The following WHRN variants were observed in gnomAD, a reference collection of about 807,000 sequenced individuals.
The protein encoded by WHRN is CASK-interacting protein CIP98.
In WHRN, 41 loss-of-function variants were observed where a neutral mutation model predicts 68.3. That is an observed-to-expected ratio of 0.60 (90% confidence interval 0.47 to 0.78). The LOEUF is 0.78. WHRN is among the 30% of genes least tolerant of loss of function. The pLI is 0.00. For synonymous variants in WHRN, 560 were observed against 561.3 expected (o/e 1.00, Z 0.03); for missense variants, 1,243 against 1,244.7 (o/e 1.00, Z 0.02).
chr9:114,484,696 G>A (rs570784165), intron 1 of WHRN, among the ~76,000 whole-genome samples: 16 of 152,188 alleles, frequency 1.1e-4, no homozygotes, highest in African/African-American at 3.6e-4. Context: ...CAGATGGCAC[G>A]ACTAAGATAC....
intron 4 of WHRN, 162 bp downstream of exon 4, chr9:114,426,049 G>A: frequency 1.2e-6 from 1 of 833,356 alleles, no homozygotes; most frequent in Non-Finnish European, 2.0e-6. Context: ...GCCAAGAGAG[G>A]AGAGGGATGT....
At chr9:114,459,125 G>T (rs1472922861) in intron 3 of WHRN, among the ~76,000 whole-genome samples, 2 of 152,114 alleles carry the variant, frequency 1.3e-5, no homozygotes, top group Non-Finnish European at 2.9e-5. Context: ...TCTGGGAGAA[G>T]AGACATTCAC....
At chr9:114,450,107 T>C (rs1589159904) in intron 3 of WHRN, among the ~76,000 whole-genome samples, 1 of 152,104 alleles carries the variant, frequency 6.6e-6, no homozygotes, top group East Asian at 1.9e-4. Flanking sequence ...CCCGAGGGCA[T>C]GGCTCATTAG....
intron 1 of WHRN, among the ~76,000 whole-genome samples, chr9:114,484,683 C>T (rs1842348544): frequency 6.6e-6 from 1 of 152,200 alleles, no homozygotes; most frequent in Non-Finnish European, 1.5e-5. Flanking sequence ...CGATCTGACC[C>T]AGCAGATGGC....
intron 2 of WHRN, among the ~76,000 whole-genome samples, chr9:114,477,202 C>T (rs4979409): frequency 0.011 from 1,672 of 152,302 alleles, 82 homozygotes; most frequent in Admixed American, 0.082. Context: ...ACACAAAACA[C>T]ATTAAATAAA....
At chr9:114,457,369 CA>C (rs1839893019) in intron 3 of WHRN, among the ~76,000 whole-genome samples, 1 of 151,996 alleles carries the variant, frequency 6.6e-6, no homozygotes, top group Admixed American at 6.6e-5. Flanking sequence ...GCACAGAAGC[CA>C]ACCTAAAAGC....
intron 2 of WHRN, among the ~76,000 whole-genome samples, chr9:114,475,220 T>C (rs1841552689): frequency 6.6e-6 from 1 of 152,160 alleles, no homozygotes; most frequent in Non-Finnish European, 1.5e-5. Context: ...ACCCAAGGTC[T>C]TACCATCCCT....
At chr9:114,417,111 C>G (rs1835874328) in intron 7 of WHRN, among the ~76,000 whole-genome samples, 1 of 152,186 alleles carries the variant, frequency 6.6e-6, no homozygotes, top group Admixed American at 6.5e-5. Context: ...ATAAAATGCT[C>G]AGGGCTGGCT....
chr9:114,487,210 A>G (rs76954194), intron 1 of WHRN, among the ~76,000 whole-genome samples: 3,168 of 149,192 alleles, frequency 0.021, 36 homozygotes, highest in African/African-American at 0.034. Flanking sequence ...TTTTTGTCTA[A>G]CAAGAAATTC....
intron 9 of WHRN, 140 bp from the exon 10 acceptor site, chr9:114,404,217 T>C: frequency 1.0e-6 from 1 of 968,046 alleles, no homozygotes; most frequent in Admixed American, 2.0e-5. Context: ...GAAGAGATCG[T>C]GGGGCCAGAG....
At position 114,403,941 on chromosome 9, in the gene WHRN, C is replaced by A; in HGVS notation, c.2373G>T (p.Lys791Asn). The A allele has an allele frequency of 1.9e-6, 3 of 1,611,334 alleles. No homozygotes were observed. The highest frequency in any genetic ancestry group is 2.5e-6 in the Non-Finnish European group (3 of 1,180,006). The change falls in exon 10 of 12, where the codon AAG (lysine) becomes AAT (asparagine). Residue 791 changes from lysine (K) to asparagine (N), a missense_variant. Lys to Asn is a moderately conservative substitution (Grantham distance 94). Coordinates refer to ENST00000362057, the MANE Select transcript of WHRN (RefSeq NM_015404.4). ...TGGGCCTCTCGTTCCGAGGCAGCTC[C>A]TTGCTACTCCTGCTCTTGGTGGACA... is the stretch of plus-strand genomic sequence containing the variant. Reference protein sequence around the residue: ...QSVSTKSRSSKELPRNERPTD... With the variant: ...QSVSTKSRSSNELPRNERPTD...
Position 114,424,945 on chromosome 9 carries a change from G to C in WHRN, c.1203+43C>G, listed in dbSNP as rs371045891. On this transcript the variant is annotated intron_variant, in intron 5 of 11. Transcript: ENST00000362057. The stretch of plus-strand genomic sequence containing the variant: ...GGCTGGCCAGACCTCCTCACTCAGG[G>C]AGCTGTGAGGAAGCAGAGAATACCC... 1.9e-5 allele frequency: 31 copies of C among 1,596,686 alleles called. No homozygotes were observed. In the African/African-American group the frequency reaches 4.2e-4, roughly 21 times the overall value.
chr9:114,403,931 G>C lies in WHRN; in HGVS notation c.2383C>G (p.Arg795Gly), dbSNP rs545286422. Residue 795 changes from arginine to glycine, a missense_variant, in exon 10 of 12, where the codon CGG (arginine) becomes GGG (glycine). Physicochemically the swap from Arg to Gly is moderately radical, Grantham distance 125. Transcript: ENST00000362057. ...TKSRSSKELPRNERPTDGANK... is the reference protein window; with the variant it reads ...TKSRSSKELPGNERPTDGANK... ...GCCCCATCTGTGGGCCTCTCGTTCC[G>C]AGGCAGCTCCTTGCTACTCCTGCTC... 1 of 1,611,062 alleles carries C rather than the reference G, an allele frequency of 6.2e-7. No individual in the cohort carries two copies. Among genetic ancestry groups the C allele is most frequent in the Admixed American group, 1.7e-5 (1 of 60,016 alleles).
chr9:114,404,613 C>A (rs1834893418), intron 9 of WHRN, among the ~76,000 whole-genome samples: 1 of 151,886 alleles, frequency 6.6e-6, no homozygotes, highest in African/African-American at 2.4e-5. Flanking sequence ...ATGTGTGTAA[C>A]AGCCTGGCCC....
chr9:114,425,910 G>T, intron 4 of WHRN: 1 of 452,190 alleles, frequency 2.2e-6, no homozygotes, highest in Non-Finnish European at 4.1e-6. Flanking sequence ...TCTGGGATGA[G>T]GGCAGGGTTA....
intron 2 of WHRN, among the ~76,000 whole-genome samples, chr9:114,470,017 C>A (rs575870455): frequency 1.3e-5 from 2 of 152,326 alleles, no homozygotes; most frequent in Admixed American, 6.5e-5. Flanking sequence ...CTTGCAAGGA[C>A]CCCCGTGATG....
At chr9:114,406,330 C>A (rs1334946096) in intron 9 of WHRN, 25 bp downstream of exon 9, 2 of 1,613,566 alleles carry the variant, frequency 1.2e-6, no homozygotes, top group Non-Finnish European at 1.7e-6. Context: ...CCAAGGACCA[C>A]AGAGCCTGGC....
chr9:114,425,593 A>ACACACACACG (rs1836763302), intron 4 of WHRN: 1 of 193,486 alleles, frequency 5.2e-6, no homozygotes, highest in Admixed American at 5.5e-5. Flanking sequence ...GGAGACACAC[A>ACACACACACG]CACACACACA....
At position 114,408,030 on chromosome 9, in the gene WHRN, C is replaced by T. The variant is rs2274160; in HGVS notation, c.1627-12G>A. The T allele has an allele frequency of 0.23, 363,022 of 1,585,538 alleles. 43,783 individuals are homozygous for T. The highest frequency in any genetic ancestry group is 0.25 in the Middle Eastern group (1,491 of 6,022). ...AGGTCCAGAGTGTTCTAGAAATGGACGAGAAAGCAAAGTGAGCAAACAGAA... is the reference window on the plus strand; with the variant it reads ...AGGTCCAGAGTGTTCTAGAAATGGATGAGAAAGCAAAGTGAGCAAACAGAA... On this transcript the variant is annotated splice_polypyrimidine_tract_variant and intron_variant, in intron 7 of 11. Coordinates refer to ENST00000362057, the MANE Select transcript of WHRN (RefSeq NM_015404.4).
Sources: gnomAD v4.1 joint callset for allele counts (sites outside exome capture counted in the v4.1 genomes callset) on GRCh38, gnomAD v4.1.1 for gene constraint, MANE v1.5 for transcripts, NCBI Gene and HGNC (gene_info 2026-07-23, HGNC 2026-07-21) for gene names.